Variants in RASSF3 observed in about 807,000 individuals in gnomAD.
The protein encoded by RASSF3 is Ras association domain family member 3, also known as ras association domain-containing protein 3.
Under a neutral mutation model 19.9 loss-of-function variants are expected in RASSF3, and 19 were observed. That is an observed-to-expected ratio of 0.96 (90% CI 0.67 to 1.40). RASSF3 has a LOEUF of 1.40. RASSF3 is among the 40% of genes most tolerant of loss of function. The pLI is 0.00. For missense variants in RASSF3, 306 were observed against 289.8 expected, an observed-to-expected ratio of 1.06 and a Z score of -0.41; for synonymous variants, 110 against 104.2, an observed-to-expected ratio of 1.06 and a Z score of -0.34.
downstream of RASSF3, among the ~76,000 whole-genome samples, chr12:64,543,046 C>CCGGCGCCG (rs1868964276): frequency 2.0e-5 from 1 of 49,056 alleles, no homozygotes; most frequent in African/African-American, 4.7e-5. Context: ...GAGTGGCGGG[C>CCGGCGCCG]CCCGCACTTG....
At chr12:64,668,029 TG>T (rs2136203877) in intron 1 of RASSF3, among the ~76,000 whole-genome samples, 1 of 152,336 alleles carries the variant, frequency 6.6e-6, no homozygotes, top group African/African-American at 2.4e-5. Context: ...GGCATGGTTA[TG>T]GGGTTGGCCA....
At chr12:64,660,517 G>A (rs1245933030) in intron 1 of RASSF3, among the ~76,000 whole-genome samples, 4 of 152,094 alleles carry the variant, frequency 2.6e-5, no homozygotes, top group African/African-American at 7.2e-5. Flanking sequence ...ATACAACTTT[G>A]TGTTTCATAA....
intron 2 of RASSF3, among the ~76,000 whole-genome samples, chr12:64,554,546 CCA>C (rs1869222090): frequency 1.3e-5 from 2 of 152,128 alleles, no homozygotes; most frequent in Non-Finnish European, 2.9e-5. Flanking sequence ...CTCAGGTGAT[CCA>C]CCCACCTTGG....
intron 2 of RASSF3, among the ~76,000 whole-genome samples, chr12:64,567,155 G>T (rs1470728960): frequency 6.6e-6 from 1 of 152,232 alleles, no homozygotes; most frequent in African/African-American, 2.4e-5. Context: ...AGACAAAGGC[G>T]TGGGTGACCA....
At chr12:64,684,435 G>GTTTGTTTGT (rs1555216511) in intron 1 of RASSF3, among the ~76,000 whole-genome samples, 2 of 131,204 alleles carry the variant, frequency 1.5e-5, no homozygotes, top group Non-Finnish European at 3.1e-5. Flanking sequence ...TTGTTTGTTT[G>GTTTGTTTGT]TTTTTTTTTT....
intron 2 of RASSF3, among the ~76,000 whole-genome samples, chr12:64,573,252 A>T (rs1412632430): frequency 6.7e-6 from 1 of 148,462 alleles, no homozygotes; most frequent in Non-Finnish European, 1.5e-5. Context: ...TCAAGGCTGC[A>T]GTGAGCTGTT....
chr12:64,691,595 C>T lies in RASSF3; in HGVS notation c.567+16C>T. The T allele has an allele frequency of 6.9e-7, 1 of 1,441,824 alleles. No individual in the cohort carries two copies. The highest frequency in any genetic ancestry group is 9.5e-7 in the Non-Finnish European group (1 of 1,051,970). The allele number at this position is 1,441,824 out of a possible 1,614,324, so 89.3% of individuals were successfully genotyped here. On this transcript the variant is annotated intron_variant, in intron 4 of 4. Transcript: ENST00000542104. ...AATTGGAGAGGTAAGTTATTGTTCA[C>T]TATTGCTTTAAACTATACAGAACAG...
At chr12:64,649,336 G>A (rs1871856864) in intron 1 of RASSF3, among the ~76,000 whole-genome samples, 1 of 151,948 alleles carries the variant, frequency 6.6e-6, no homozygotes, top group Admixed American at 6.6e-5. Context: ...GGGACTACAG[G>A]CACCCGCCAC....
chr12:64,631,385 T>C (rs928319390), intron 1 of RASSF3, among the ~76,000 whole-genome samples: 12 of 152,116 alleles, frequency 7.9e-5, no homozygotes, highest in African/African-American at 2.9e-4. Flanking sequence ...ACAGTCACAC[T>C]GCAGTGGGTG....
intron 1 of RASSF3, among the ~76,000 whole-genome samples, chr12:64,667,754 T>C (rs1172432692): frequency 6.6e-6 from 1 of 152,194 alleles, no homozygotes; most frequent in East Asian, 1.9e-4. Flanking sequence ...ATGCAGAACA[T>C]GGCTTATCTC....
intron 2 of RASSF3, among the ~76,000 whole-genome samples, chr12:64,553,381 A>C (rs1372627352): frequency 6.6e-6 from 1 of 152,146 alleles, no homozygotes; most frequent in East Asian, 1.9e-4. Flanking sequence ...GGCCAGGGAG[A>C]GTTGAAAGTT....
rs539247372 is a variant in RASSF3 at position 64,515,256 on chromosome 12, C to T, written c.169+7927C>T. ...ATTTTTGGTAGAGTCAGGATTTCAC[C>T]ATGTTGGCCAGGCTGATCTCGAACT... On this transcript the variant is annotated intron_variant, in intron 1 of 5. Coordinates refer to the RASSF3 transcript ENST00000637125. 7.2e-5 allele frequency among the ~76,000 whole-genome samples: 11 copies of T among 152,190 alleles called. No homozygotes were observed. The East Asian group carries it at 2.1e-3, about 29-fold the overall frequency.
chr12:64,529,221 A>C (rs1449532073), upstream of RASSF3, among the ~76,000 whole-genome samples: 1 of 152,212 alleles, frequency 6.6e-6, no homozygotes, highest in Non-Finnish European at 1.5e-5. Context: ...AGTATCTTTA[A>C]TATAAATGCA....
At position 64,675,995 on chromosome 12, in the gene RASSF3, G is replaced by A. The variant is rs989983456; in HGVS notation, c.112-8792G>A. Among the ~76,000 whole-genome samples the A allele has an allele frequency of 7.9e-5, 12 of 151,808 alleles. No homozygotes were observed. In the South Asian group the frequency reaches 1.0e-3, roughly 13 times the overall value. ...TGGCCAGGATGAATCAGCATGCCAG[G>A]GCCATACACCAAGATAAGCATTGAG... On this transcript the variant is annotated intron_variant, in intron 1 of 4. Coordinates refer to ENST00000542104, the MANE Select transcript of RASSF3 (RefSeq NM_178169.4).
chr12:64,672,202 TTTAG>T (rs917238171), intron 1 of RASSF3, among the ~76,000 whole-genome samples: 4 of 152,194 alleles, frequency 2.6e-5, no homozygotes, highest in African/African-American at 9.6e-5. Flanking sequence ...TATATATTCT[TTTAG>T]TTATTTTATT....
chr12:64,586,397 C>A (rs578227821), intron 2 of RASSF3, among the ~76,000 whole-genome samples: 1 of 140,152 alleles, frequency 7.1e-6, no homozygotes, highest in Non-Finnish European at 1.5e-5. Context: ...GGTTGACACA[C>A]GAGAATCACT....
At chr12:64,683,273 G>A (rs1274137403) in intron 1 of RASSF3, among the ~76,000 whole-genome samples, 1 of 152,076 alleles carries the variant, frequency 6.6e-6, no homozygotes, top group Non-Finnish European at 1.5e-5. Flanking sequence ...TAGGTTGTTG[G>A]GAGAAGTAAA....
At chr12:64,512,485 A>C (rs1868334055) in intron 1 of RASSF3, among the ~76,000 whole-genome samples, 1 of 152,216 alleles carries the variant, frequency 6.6e-6, no homozygotes, top group African/African-American at 2.4e-5. Context: ...TCTGAGAGGG[A>C]GACAGCTTGA....
At chr12:64,587,614 G>T (rs1592409533) in intron 2 of RASSF3, among the ~76,000 whole-genome samples, 1 of 152,060 alleles carries the variant, frequency 6.6e-6, no homozygotes, top group African/African-American at 2.4e-5. Context: ...TGGAGGTGTC[G>T]CCGTCTTCCT....
Sources: gnomAD v4.1 joint callset for allele counts (sites outside exome capture counted in the v4.1 genomes callset) on GRCh38, gnomAD v4.1.1 for gene constraint, MANE v1.5 for transcripts, NCBI Gene and HGNC (gene_info 2026-07-23, HGNC 2026-07-21) for gene names.